Variants in SLC15A1 observed in about 807,000 individuals in gnomAD.
The protein encoded by SLC15A1 is Caco-2 oligopeptide transporter.
Under a neutral mutation model 92.9 loss-of-function variants are expected in SLC15A1, and 83 were observed. The ratio of observed to expected loss-of-function variants is 0.89; its 90% CI spans 0.75 to 1.07. SLC15A1 has a LOEUF of 1.07. SLC15A1 is among the 50% of genes least tolerant of loss of function. The pLI is 0.00. For missense variants in SLC15A1, 857 were observed against 880.1 expected (o/e 0.97, Z 0.33); for synonymous variants, 322 against 318.2 (o/e 1.01, Z -0.13).
intron 1 of SLC15A1, among the ~76,000 whole-genome samples, chr13:98,735,777 C>T (rs2088388547): frequency 6.6e-6 from 1 of 152,188 alleles, no homozygotes; most frequent in South Asian, 2.1e-4. Context: ...AGGAATCCAA[C>T]TTACAAGGGA....
chr13:98,709,959 A>T (rs2139580768), intron 11 of SLC15A1, 48 bp from the exon 12 acceptor site: 1 of 1,578,368 alleles, frequency 6.3e-7, no homozygotes, highest in Non-Finnish European at 8.7e-7. Flanking sequence ...GTGGGTTTTT[A>T]AAATTTTACA....
chr13:98,691,903 G>A (rs772215896), intron 18 of SLC15A1, among the ~76,000 whole-genome samples: 6 of 151,820 alleles, frequency 4.0e-5, no homozygotes, highest in Non-Finnish European at 5.9e-5. Flanking sequence ...GAGAAATCCC[G>A]TCTCTACTAA....
chr13:98,711,811 C>CCAAGCACGGAGT, intron 11 of SLC15A1, 43 bp downstream of exon 11: 2 of 1,465,082 alleles, frequency 1.4e-6, no homozygotes, highest in East Asian at 4.5e-5. Context: ...GCGGGATGTA[C>CCAAGCACGGAGT]GCTTGCTCCG....
At chr13:98,686,946 C>T (rs1226927355) in intron 21 of SLC15A1, among the ~76,000 whole-genome samples, 4 of 123,106 alleles carry the variant, frequency 3.2e-5, no homozygotes, top group African/African-American at 9.4e-5. Flanking sequence ...TTTTCTTTTT[C>T]TTCTTTTTTT....
chr13:98,740,775 G>T (rs1262128857), intron 1 of SLC15A1, among the ~76,000 whole-genome samples: 1 of 152,188 alleles, frequency 6.6e-6, no homozygotes, highest in Non-Finnish European at 1.5e-5. Flanking sequence ...GAGGACAGGG[G>T]TGGGGTGGTG....
intron 18 of SLC15A1, among the ~76,000 whole-genome samples, chr13:98,700,621 G>A (rs1344241961): frequency 6.6e-6 from 1 of 151,006 alleles, no homozygotes; most frequent in African/African-American, 2.4e-5. Flanking sequence ...AAGAGTTTAT[G>A]TTTCTTGTAT....
In SLC15A1 at chr13:98,713,260, C is replaced by T. The variant is rs1463935125; in HGVS notation, c.724-676G>A. 1.3e-5 allele frequency among the ~76,000 whole-genome samples: 2 copies of T among 151,752 alleles called. 1 individual carries two copies. The highest frequency in any genetic ancestry group is 1.3e-4 in the Admixed American group (2 of 15,224). On this transcript the variant is annotated intron_variant, in intron 9 of 22. Transcript: ENST00000376503. ...TTTTTTTAATGGAGACAGGGTTTTG[C>T]CATTTTGTCCAGACTGGTCTCAAAT...
intron 18 of SLC15A1, among the ~76,000 whole-genome samples, chr13:98,700,815 C>T (rs1250149883): frequency 2.0e-5 from 3 of 152,104 alleles, no homozygotes; most frequent in Non-Finnish European, 4.4e-5. Flanking sequence ...AAAATACTTC[C>T]CTTAATCCAT....
chr13:98,710,043 C>A, intron 11 of SLC15A1, 132 bp from the exon 12 acceptor site: 1 of 818,242 alleles, frequency 1.2e-6, no homozygotes, highest in South Asian at 1.6e-5. Context: ...TTTTAAACAT[C>A]AAGTTAATCT....
chr13:98,732,131 A>C (rs1457123529), intron 1 of SLC15A1, among the ~76,000 whole-genome samples: 1 of 152,244 alleles, frequency 6.6e-6, no homozygotes, highest in Admixed American at 6.5e-5. Flanking sequence ...GACCGAACTC[A>C]AGTATCAACT....
chr13:98,749,585 C>T (rs2088524890), intron 1 of SLC15A1, among the ~76,000 whole-genome samples: 1 of 152,144 alleles, frequency 6.6e-6, no homozygotes, highest in Non-Finnish European at 1.5e-5. Flanking sequence ...GCTGCTTTTT[C>T]TTACTGACGC....
chr13:98,686,060 G>A, intron 22 of SLC15A1, 130 bp downstream of exon 22: 1 of 680,276 alleles, frequency 1.5e-6, no homozygotes. Context: ...AGCCCTGGCT[G>A]GTCTGGCAGT....
intron 15 of SLC15A1, among the ~76,000 whole-genome samples, 188 bp from the exon 16 acceptor site, chr13:98,706,441 T>C (rs905645273): frequency 4.6e-5 from 7 of 152,184 alleles, no homozygotes; most frequent in African/African-American, 1.7e-4. Context: ...TTGCACGGAA[T>C]ACTGAAGTGA....
chr13:98,721,677 T>C (rs1235051540), intron 6 of SLC15A1, 92 bp from the exon 7 acceptor site: 3 of 1,274,554 alleles, frequency 2.4e-6, no homozygotes, highest in Non-Finnish European at 3.3e-6. Flanking sequence ...AACTTAGTTT[T>C]GGTTGGTATC....
At chr13:98,693,121 G>A (rs1028746425) in intron 18 of SLC15A1, among the ~76,000 whole-genome samples, 1 of 128,426 alleles carries the variant, frequency 7.8e-6, no homozygotes, top group Non-Finnish European at 1.6e-5. Context: ...TTTTGAGACG[G>A]AGTTTCAATC....
chr13:98,744,341 CTT>C (rs528329997), intron 1 of SLC15A1, among the ~76,000 whole-genome samples: 9 of 136,830 alleles, frequency 6.6e-5, no homozygotes, highest in Non-Finnish European at 7.9e-5. Flanking sequence ...CACACACAGA[CTT>C]TTTTTTTTTT....
At chr13:98,742,378 C>T (rs2139610549) in intron 1 of SLC15A1, among the ~76,000 whole-genome samples, 1 of 152,334 alleles carries the variant, frequency 6.6e-6, no homozygotes, top group African/African-American at 2.4e-5. Context: ...AGTCTGTCGC[C>T]ATCTGTCGTG....
chr13:98,693,759 G>A (rs558178053), intron 18 of SLC15A1, among the ~76,000 whole-genome samples: 1 of 152,210 alleles, frequency 6.6e-6, no homozygotes, highest in Admixed American at 6.5e-5. Context: ...GTCACTTGTG[G>A]TTTTGGTTTT....
intron 1 of SLC15A1, among the ~76,000 whole-genome samples, chr13:98,749,433 T>C (rs1228612988): frequency 6.6e-6 from 1 of 152,172 alleles, no homozygotes; most frequent in Non-Finnish European, 1.5e-5. Context: ...TGAAGCCTTG[T>C]ACCTAATTTT....
Sources: gnomAD v4.1 joint callset for allele counts (sites outside exome capture counted in the v4.1 genomes callset) on GRCh38, gnomAD v4.1.1 for gene constraint, MANE v1.5 for transcripts, NCBI Gene and HGNC (gene_info 2026-07-23, HGNC 2026-07-21) for gene names.